EIF4E3: variants seen among roughly 807,000 people sequenced by gnomAD.
The protein encoded by EIF4E3 is eukaryotic translation initiation factor 4E type 3.
In EIF4E3, 26 loss-of-function variants were observed where a neutral mutation model predicts 31.7. That is an observed-to-expected ratio of 0.82 (90% CI 0.60 to 1.14). The LOEUF (loss-of-function observed/expected upper bound fraction) is 1.14. Ranked by LOEUF, EIF4E3 falls within the 50% of genes most tolerant of loss-of-function variation. The pLI is 0.00. For synonymous variants in EIF4E3, 128 were observed against 107.7 expected, an observed-to-expected ratio of 1.19 and a Z score of -1.17; for missense variants, 304 against 270.9, an observed-to-expected ratio of 1.12 and a Z score of -0.86.
intron 2 of EIF4E3, 124 bp downstream of exon 2, chr3:71,710,288 C>T: frequency 3.6e-6 from 4 of 1,118,636 alleles, no homozygotes; most frequent in Admixed American, 2.0e-5. Flanking sequence ...AACCTGGACC[C>T]GAGAGCCAAC....
At chr3:71,675,392 T>C (rs2048867860), downstream of EIF4E3, 1 of 152,228 alleles carries the variant, frequency 6.6e-6, no homozygotes, top group Admixed American at 6.5e-5. Context: ...GGGCACTCAA[T>C]AAGTGAGACA....
rs2048936744 is a variant in EIF4E3 at position 71,682,580 on chromosome 3, G to GGT, written c.*2100_*2101dup. 6.6e-6 allele frequency: 1 copy of GGT among 152,398 alleles called. No homozygotes were observed. Among genetic ancestry groups the GGT allele is most frequent in the Admixed American group, 6.5e-5 (1 of 15,276 alleles). The allele number at this position is 152,398 out of a possible 1,614,324, so 9.4% of individuals were successfully genotyped here. On this transcript the variant is annotated 3_prime_UTR_variant, in exon 7 of 7. Transcript: ENST00000425534. ...CTCTCTGAAAGTAATTTAGATGATA[G>GGT]GTTTTTAACATTAGGCAAATTAAAT...
intron 5 of EIF4E3, among the ~76,000 whole-genome samples, chr3:71,691,835 C>T (rs2049067691): frequency 1.3e-5 from 2 of 152,052 alleles, no homozygotes; most frequent in African/African-American, 4.8e-5. Flanking sequence ...AATAATCTTG[C>T]CAGAGATCAA....
intron 6 of EIF4E3, among the ~76,000 whole-genome samples, chr3:71,688,033 AT>A (rs1332922855): frequency 6.6e-6 from 1 of 151,854 alleles, no homozygotes; most frequent in Non-Finnish European, 1.5e-5. Context: ...TCAAATTCAG[AT>A]TTTTATTTGA....
At chr3:71,665,943 T>C in the EIF4E3 span, among the ~76,000 whole-genome samples, 1 of 152,162 alleles carries the variant, frequency 6.6e-6, no homozygotes, top group South Asian at 2.1e-4. Flanking sequence ...GGGACTCAGC[T>C]AAAGCAGTTT....
intron 6 of EIF4E3, among the ~76,000 whole-genome samples, chr3:71,687,125 C>T (rs1033407503): frequency 6.6e-6 from 1 of 152,176 alleles, no homozygotes; most frequent in Non-Finnish European, 1.5e-5. Flanking sequence ...CTCAGTCTCC[C>T]AAGTAGCTGG....
chr3:71,717,407 CAAG>C (rs941624675), intron 1 of EIF4E3, among the ~76,000 whole-genome samples: 3 of 152,194 alleles, frequency 2.0e-5, no homozygotes, highest in Admixed American at 2.0e-4. Context: ...CCAAAGACAT[CAAG>C]AAGAAGTTAT....
At chr3:71,686,329 C>T (rs1413783087) in intron 6 of EIF4E3, among the ~76,000 whole-genome samples, 1 of 152,060 alleles carries the variant, frequency 6.6e-6, no homozygotes, top group African/African-American at 2.4e-5. Flanking sequence ...CAGACTATTG[C>T]TGAGGGGGTG....
intron 1 of EIF4E3, among the ~76,000 whole-genome samples, chr3:71,749,461 T>C (rs1292607656): frequency 6.6e-6 from 1 of 152,198 alleles, no homozygotes; most frequent in African/African-American, 2.4e-5. Context: ...GGGATGGAGT[T>C]AAGTCAAACC....
chr3:71,724,496 G>A (rs759468886), intron 1 of EIF4E3, among the ~76,000 whole-genome samples: 3 of 152,170 alleles, frequency 2.0e-5, no homozygotes, highest in Non-Finnish European at 4.4e-5. Context: ...TAGTCAGGGG[G>A]TCTTTCTGAA....
Position 71,699,603 on chromosome 3 carries a change from T to A in EIF4E3, c.344+11A>T. ...CCCACCTTGACCTTAAATTACACGTTAGACACTTACCAAAGTGGTCGCCTC... is the reference window on the plus strand; with the variant it reads ...CCCACCTTGACCTTAAATTACACGTAAGACACTTACCAAAGTGGTCGCCTC... On this transcript the variant is annotated intron_variant, in intron 3 of 6. Transcript: ENST00000425534. 6.2e-7 allele frequency: 1 copy of A among 1,612,120 alleles called. No homozygotes were observed. The highest frequency in any genetic ancestry group is 2.2e-5 in the East Asian group (1 of 44,852).
intron 1 of EIF4E3, among the ~76,000 whole-genome samples, chr3:71,716,293 C>T (rs1049203133): frequency 3.9e-5 from 6 of 152,068 alleles, no homozygotes; most frequent in East Asian, 1.9e-4. Context: ...AGCGCAGTGG[C>T]GCAATCTCGA....
downstream of EIF4E3, among the ~76,000 whole-genome samples, chr3:71,673,726 C>G (rs1457594262): frequency 6.6e-6 from 1 of 151,858 alleles, no homozygotes; most frequent in African/African-American, 2.4e-5. Context: ...AAATTGTCAG[C>G]TCCATGAAAT....
intron 1 of EIF4E3, among the ~76,000 whole-genome samples, chr3:71,719,010 A>G (rs1472099529): frequency 6.6e-6 from 1 of 152,198 alleles, no homozygotes; most frequent in Non-Finnish European, 1.5e-5. Flanking sequence ...CTCAATGAAC[A>G]AGGATGACTT....
chr3:71,705,845 C>G (rs958709140), intron 2 of EIF4E3, among the ~76,000 whole-genome samples: 2 of 152,130 alleles, frequency 1.3e-5, no homozygotes, highest in African/African-American at 4.8e-5. Context: ...CCAGGCTGAA[C>G]TCGAACTCTT....
chr3:71,751,705 G>A (rs1053575155), intron 1 of EIF4E3, among the ~76,000 whole-genome samples: 2 of 152,148 alleles, frequency 1.3e-5, no homozygotes, highest in African/African-American at 2.4e-5. Context: ...TATAATGTAG[G>A]GCTTCTAGAA....
intron 2 of EIF4E3, among the ~76,000 whole-genome samples, 182 bp downstream of exon 2, chr3:71,710,228 CTG>C (rs1217397044): frequency 2.0e-5 from 3 of 152,242 alleles, no homozygotes; most frequent in Non-Finnish European, 2.9e-5. Context: ...GGCCACCTGA[CTG>C]TGTGCTCAGC....
chr3:71,689,867 A>AAAC (rs1553659935), intron 6 of EIF4E3, 143 bp downstream of exon 6: 42 of 797,834 alleles, frequency 5.3e-5, no homozygotes, highest in African/African-American at 2.3e-4. Flanking sequence ...AAAAAAAAAA[A>AAAC]ACTTAAATGT....
intron 6 of EIF4E3, 71 bp from the exon 7 acceptor site, chr3:71,684,799 C>T: frequency 1.3e-6 from 2 of 1,505,944 alleles, no homozygotes. Flanking sequence ...GGCCAACCCT[C>T]CTCTAGGCAT....
Sources: allele counts gnomAD v4.1 joint callset (sites outside exome capture counted in the v4.1 genomes callset), GRCh38; gene constraint gnomAD v4.1.1; transcripts MANE v1.5; gene names NCBI Gene and HGNC (gene_info 2026-07-23, HGNC 2026-07-21).